The following ENPP6 variants were observed in gnomAD, a reference collection of about 807,000 sequenced individuals.
ENPP6 encodes the protein ectonucleotide pyrophosphatase/phosphodiesterase 6, also known as glycerophosphocholine cholinephosphodiesterase ENPP6.
A neutral mutation model predicts 42.0 loss-of-function variants in ENPP6; 32 were observed. That is an observed-to-expected ratio of 0.76 (90% confidence interval 0.58 to 1.02). ENPP6 has a LOEUF of 1.02. Among genes scored for constraint, ENPP6 ranks in the 50% least tolerant of loss-of-function variants. The pLI, the probability that ENPP6 is intolerant of heterozygous loss-of-function variation, is 0.00. For synonymous variants in ENPP6, 213 were observed against 216.0 expected (o/e 0.99, Z 0.12); for missense variants, 552 against 566.8 (o/e 0.97, Z 0.27).
chr4:184,194,967 G>A (rs1308061293), intron 1 of ENPP6, among the ~76,000 whole-genome samples: 1 of 152,160 alleles, frequency 6.6e-6, no homozygotes, highest in Non-Finnish European at 1.5e-5. Flanking sequence ...CACCTAACCA[G>A]CAGTGATCAA....
At chr4:184,156,741 C>T (rs1737165349) in intron 1 of ENPP6, among the ~76,000 whole-genome samples, 1 of 152,230 alleles carries the variant, frequency 6.6e-6, no homozygotes, top group South Asian at 2.1e-4. Flanking sequence ...TGGAATCGTT[C>T]CCATAGCTAG....
At chr4:184,118,257 T>C (rs1465431602) in intron 3 of ENPP6, among the ~76,000 whole-genome samples, 3 of 152,216 alleles carry the variant, frequency 2.0e-5, no homozygotes, top group African/African-American at 7.2e-5. Context: ...ATGGCATCTG[T>C]TTAGGTGTCC....
At chr4:184,204,245 G>A (rs1049910709) in intron 1 of ENPP6, 4 of 152,200 alleles carry the variant, frequency 2.6e-5, no homozygotes, top group Non-Finnish European at 4.4e-5. Flanking sequence ...TTAGGGGGCA[G>A]GGCATAAACA....
intron 1 of ENPP6, chr4:184,204,258 T>A (rs1732955032): frequency 6.6e-6 from 1 of 152,168 alleles, no homozygotes. Context: ...CATAAACACA[T>A]GGGTTTTGGG....
intron 5 of ENPP6, among the ~76,000 whole-genome samples, chr4:184,116,501 G>T (rs192445863): frequency 1.3e-5 from 2 of 152,126 alleles, no homozygotes; most frequent in Non-Finnish European, 2.9e-5. Flanking sequence ...TTGGGAGGCC[G>T]AGGCGGGTGG....
At chr4:184,179,455 T>C (rs1732514117) in intron 1 of ENPP6, among the ~76,000 whole-genome samples, 1 of 151,726 alleles carries the variant, frequency 6.6e-6, no homozygotes, top group African/African-American at 2.4e-5. Context: ...CTGTCAATAT[T>C]GAGACAGAAA....
chr4:184,108,485 CT>C (rs2111338460), intron 6 of ENPP6, among the ~76,000 whole-genome samples: 1 of 152,302 alleles, frequency 6.6e-6, no homozygotes, highest in South Asian at 2.1e-4. Flanking sequence ...TTTTAATTCT[CT>C]GCTGTCAAGA....
intron 1 of ENPP6, among the ~76,000 whole-genome samples, chr4:184,210,221 AATT>A (rs1333476273): frequency 4.7e-5 from 7 of 149,186 alleles, no homozygotes; most frequent in African/African-American, 1.7e-4. Context: ...GACAGGATCA[AATT>A]CACACATAAC....
chr4:184,177,229 C>G (rs979946881), intron 1 of ENPP6, among the ~76,000 whole-genome samples: 1 of 152,232 alleles, frequency 6.6e-6, no homozygotes, highest in Non-Finnish European at 1.5e-5. Flanking sequence ...CACAGCGCAG[C>G]ACAGTGGCTG....
At chr4:184,107,638 A>G (rs929999047) in intron 6 of ENPP6, among the ~76,000 whole-genome samples, 8 of 151,982 alleles carry the variant, frequency 5.3e-5, no homozygotes, top group Admixed American at 2.0e-4. Context: ...AGTCAGGGCT[A>G]GGTGTGGTGG....
chr4:184,127,744 C>T (rs553963170), intron 2 of ENPP6, among the ~76,000 whole-genome samples: 29 of 152,136 alleles, frequency 1.9e-4, no homozygotes, highest in South Asian at 6.2e-4. Flanking sequence ...GTAACAAGAG[C>T]GAAACTCCAT....
At chr4:184,187,534 C>A (rs1732651130) in intron 1 of ENPP6, among the ~76,000 whole-genome samples, 1 of 152,218 alleles carries the variant, frequency 6.6e-6, no homozygotes. Context: ...TGTTCCCTGC[C>A]TGGAATGCTT....
At position 184,180,254 on chromosome 4, in the gene ENPP6, T is replaced by C. The variant is rs969217667; in HGVS notation, c.242-26521A>G. ...ACCCCTATGCAAATAAACTAGAAAA[T>C]CTAGAAGAAATGGATAAATTCCTGG... is the stretch of plus-strand genomic sequence containing the variant. On this transcript the variant is annotated intron_variant, in intron 1 of 7. Transcript: ENST00000296741. Among the ~76,000 whole-genome samples, 9 of 151,760 alleles carry C rather than the reference T, an allele frequency of 5.9e-5. No individual in the cohort carries two copies. The East Asian group carries it at 1.2e-3, about 20-fold the overall frequency.
intron 2 of ENPP6, among the ~76,000 whole-genome samples, chr4:184,133,155 G>A (rs1736670857): frequency 7.5e-6 from 1 of 133,200 alleles, no homozygotes; most frequent in Non-Finnish European, 1.7e-5. Context: ...GAATCAACCT[G>A]TCAATTCACA....
intron 2 of ENPP6, among the ~76,000 whole-genome samples, chr4:184,151,281 TG>T (rs1166684220): frequency 5.3e-5 from 8 of 152,218 alleles, no homozygotes; most frequent in African/African-American, 1.7e-4. Context: ...GAGGTTACAG[TG>T]AGCAGAGGTC....
chr4:184,153,649 T>C lies in ENPP6; in HGVS notation c.326A>G (p.Lys109Arg). Residue 109 changes from lysine (K) to arginine (R), a missense_variant, in exon 2 of 8, where the codon AAA (lysine) becomes AGA (arginine). By Grantham distance (26) the Lys-to-Arg change is conservative (BLOSUM62 2). Transcript: ENST00000296741. Reference protein sequence around the residue: ...TNKSFDIGVNKDSLMPLWWNG... With the variant: ...TNKSFDIGVNRDSLMPLWWNG... The stretch of plus-strand genomic sequence containing the variant: ...CCACCAGAGAGGCATTAGGCTGTCT[T>C]TGTTGACGCCAATGTCAAAGGACTT... 3 of 1,614,190 alleles carry C rather than the reference T, an allele frequency of 1.9e-6. No homozygotes were observed. The highest frequency in any genetic ancestry group is 1.1e-5 in the South Asian group (1 of 91,084).
chr4:184,180,899 T>C (rs1561003334), intron 1 of ENPP6, among the ~76,000 whole-genome samples: 2 of 152,192 alleles, frequency 1.3e-5, no homozygotes, highest in African/African-American at 4.8e-5. Context: ...GCACAGCCAA[T>C]ATCATACTGA....
chr4:184,124,377 A>G, intron 2 of ENPP6, 105 bp from the exon 3 acceptor site: 1 of 791,552 alleles, frequency 1.3e-6, no homozygotes, highest in Non-Finnish European at 2.0e-6. Flanking sequence ...CAAAAATAAA[A>G]ATGTTGAGTA....
intron 6 of ENPP6, among the ~76,000 whole-genome samples, chr4:184,101,944 C>G (rs543241456): frequency 6.6e-6 from 1 of 152,220 alleles, no homozygotes; most frequent in East Asian, 1.9e-4. Context: ...TTCAGGCTTG[C>G]GCGCTTTCCT....
Sources: allele counts gnomAD v4.1 joint callset (sites outside exome capture counted in the v4.1 genomes callset), GRCh38; gene constraint gnomAD v4.1.1; transcripts MANE v1.5; gene names NCBI Gene and HGNC (gene_info 2026-07-23, HGNC 2026-07-21).